TTC7A: variants seen among roughly 807,000 people sequenced by gnomAD.
TTC7A encodes tetratricopeptide repeat domain 7A, also known as tetratricopeptide repeat protein 7A.
Under a neutral mutation model 103.7 loss-of-function variants are expected in TTC7A, and 110 were observed. The observed-to-expected ratio is 1.06, with a 90% CI of 0.91 to 1.24. TTC7A has a LOEUF of 1.24. Ranked by LOEUF, TTC7A falls within the 50% of genes most tolerant of loss-of-function variation. TTC7A has a pLI of 0.00. For synonymous variants in TTC7A, 521 were observed against 467.9 expected (o/e 1.11, Z -1.47); for missense variants, 1,340 against 1,116.3 (o/e 1.20, Z -2.86).
intron 18 of TTC7A, among the ~76,000 whole-genome samples, chr2:47,053,933 A>G (rs1050390448): frequency 6.6e-6 from 1 of 152,196 alleles, no homozygotes; most frequent in African/African-American, 2.4e-5. Context: ...CTCAGGTTGT[A>G]TATTGCTTTA....
chr2:47,021,948 G>A lies in TTC7A; in HGVS notation c.1479G>A (p.Leu493=). Residue 493 remains leucine (L), a synonymous_variant, in exon 12 of 20, where the codon CTG becomes CTA. Transcript: ENST00000319190. Reference sequence around the variant, plus strand: ...TCCTCCCCAAGGGCTACCTGGCTCTGGGTCTCACCTATAGCCTGCAGGCCA... The same window carrying A: ...TCCTCCCCAAGGGCTACCTGGCTCTAGGTCTCACCTATAGCCTGCAGGCCA... ...GEFLPKGYLA[L]GLTYSLQATD... is the part of the protein sequence containing the mutation. 6.2e-7 allele frequency: 1 copy of A among 1,614,026 alleles called. No individual in the cohort carries two copies. The highest frequency in any genetic ancestry group is 1.1e-5 in the South Asian group (1 of 91,078).
chr2:47,025,157 C>T (rs901161006), intron 14 of TTC7A, among the ~76,000 whole-genome samples: 4 of 152,196 alleles, frequency 2.6e-5, no homozygotes, highest in African/African-American at 4.8e-5. Flanking sequence ...AGCTCCAGGC[C>T]GGCGGAGGGA....
chr2:46,928,934 G>A (rs1176602360), intron 2 of TTC7A, among the ~76,000 whole-genome samples: 2 of 152,018 alleles, frequency 1.3e-5, no homozygotes, highest in African/African-American at 4.8e-5. Context: ...AGGCTGAGGT[G>A]GGTGGATTAC....
intron 19 of TTC7A, among the ~76,000 whole-genome samples, chr2:47,065,292 G>T (rs527306666): frequency 2.6e-4 from 39 of 151,866 alleles, no homozygotes; most frequent in Admixed American, 1.5e-3. Context: ...GTCTCAAAAA[G>T]GAAAAAAATG....
At chr2:46,944,374 G>GGTTTTT (rs1553364975) in intron 1 of TTC7A, among the ~76,000 whole-genome samples, 1 of 88,944 alleles carries the variant, frequency 1.1e-5, no homozygotes, top group African/African-American at 4.5e-5. Context: ...GGTATTTTGG[G>GGTTTTT]TTTTTTTTTT....
intron 3 of TTC7A, among the ~76,000 whole-genome samples, chr2:46,964,059 C>T (rs971057109): frequency 6.6e-6 from 1 of 152,160 alleles, no homozygotes; most frequent in African/African-American, 2.4e-5. Context: ...AATGATTCAC[C>T]TCAGGTTACA....
At chr2:46,964,741 C>T (rs996770998) in intron 3 of TTC7A, among the ~76,000 whole-genome samples, 9 of 152,168 alleles carry the variant, frequency 5.9e-5, no homozygotes, top group Admixed American at 3.9e-4. Flanking sequence ...AGCTTTAGCC[C>T]GTTCAGCCTC....
At chr2:46,986,380 C>T (rs1675008610) in intron 5 of TTC7A, among the ~76,000 whole-genome samples, 1 of 152,216 alleles carries the variant, frequency 6.6e-6, no homozygotes, top group Admixed American at 6.5e-5. Context: ...CTCCCAGTGC[C>T]TGCTATGGGC....
Position 47,046,356 on chromosome 2 carries a change from G to C in TTC7A, c.1844G>C (p.Gly615Ala). 6.2e-7 allele frequency: 1 copy of C among 1,614,192 alleles called. No individual in the cohort carries two copies. The highest frequency in any genetic ancestry group is 8.5e-7 in the Non-Finnish European group (1 of 1,180,032). ...TKVKLEQVLK[G>A]PEEALVTCRQ... ...GTGAAGCTGGAGCAGGTGCTGAAAGGCCCAGAGGAAGCCCTCGTGACCTGC... is the reference window on the plus strand; with the variant it reads ...GTGAAGCTGGAGCAGGTGCTGAAAGCCCCAGAGGAAGCCCTCGTGACCTGC... The change falls in exon 16 of 20, where the codon GGC becomes GCC. Residue 615 changes from glycine (G) to alanine (A), a missense_variant. Transcript: ENST00000319190.
Position 46,920,279 on chromosome 2 carries a change from G to A in TTC7A, c.82+3002G>A, listed in dbSNP as rs866317276. On this transcript the variant is annotated intron_variant, in intron 2 of 20. Transcript: ENST00000409245. ...CGCTCTCCTTTCTCATCATGTTGTTGTTGTTTGGAGTTTTTGACATTAGTT... is the reference window on the plus strand; with the variant it reads ...CGCTCTCCTTTCTCATCATGTTGTTATTGTTTGGAGTTTTTGACATTAGTT... Among the ~76,000 whole-genome samples, 3 of 151,994 alleles carry A rather than the reference G, an allele frequency of 2.0e-5. No homozygotes were observed. In the South Asian group the frequency reaches 6.2e-4, roughly 32 times the overall value.
At chr2:46,962,873 G>C (rs1277313376) in intron 3 of TTC7A, among the ~76,000 whole-genome samples, 1 of 152,254 alleles carries the variant, frequency 6.6e-6, no homozygotes, top group Non-Finnish European at 1.5e-5. Flanking sequence ...GGGCTTGTTT[G>C]CCAGGTTTGG....
chr2:46,945,685 C>G (rs1670874778), intron 1 of TTC7A, among the ~76,000 whole-genome samples: 1 of 152,220 alleles, frequency 6.6e-6, no homozygotes, highest in African/African-American at 2.4e-5. Context: ...GCCACCGTGC[C>G]CGGTCTTTGA....
At chr2:47,073,654 T>C (rs745875403) in intron 19 of TTC7A, 48 bp from the exon 20 acceptor site, 2 of 1,565,036 alleles carry the variant, frequency 1.3e-6, no homozygotes, top group South Asian at 1.1e-5. Flanking sequence ...CCAAGATGCC[T>C]GTGCCATGGG....
At chr2:46,953,188 C>G (rs1671556480) in intron 2 of TTC7A, among the ~76,000 whole-genome samples, 1 of 152,166 alleles carries the variant, frequency 6.6e-6, no homozygotes, top group Non-Finnish European at 1.5e-5. Flanking sequence ...GGGTCTCACT[C>G]TGTCACCCAG....
upstream of TTC7A, among the ~76,000 whole-genome samples, chr2:46,938,943 G>A (rs113640040): frequency 3.3e-5 from 5 of 151,600 alleles, no homozygotes; most frequent in South Asian, 2.1e-4. Context: ...CCTGGGAGGC[G>A]GAGGTTGTTG....
chr2:46,974,193 G>A (rs957348955), intron 3 of TTC7A, among the ~76,000 whole-genome samples: 6 of 152,224 alleles, frequency 3.9e-5, no homozygotes, highest in African/African-American at 1.4e-4. Context: ...TAGCTTAGGG[G>A]AAAAGGTACA....
At chr2:47,037,821 G>C (rs1219938414) in intron 15 of TTC7A, among the ~76,000 whole-genome samples, 1 of 152,232 alleles carries the variant, frequency 6.6e-6, no homozygotes, top group Non-Finnish European at 1.5e-5. Context: ...ATTGGGGACT[G>C]AGAATGAAAG....
chr2:47,028,029 T>C (rs950047248), intron 14 of TTC7A, among the ~76,000 whole-genome samples: 3 of 152,102 alleles, frequency 2.0e-5, no homozygotes, highest in South Asian at 4.1e-4. Flanking sequence ...CACAGCTGAA[T>C]GTAGATGGGT....
intron 13 of TTC7A, 47 bp downstream of exon 13, chr2:47,023,512 GC>G: frequency 6.3e-7 from 1 of 1,594,866 alleles, no homozygotes; most frequent in Non-Finnish European, 8.6e-7. Flanking sequence ...GCCTTTGGTG[GC>G]AGATTCACAA....
Sources: gnomAD v4.1 joint callset for allele counts (sites outside exome capture counted in the v4.1 genomes callset) on GRCh38, gnomAD v4.1.1 for gene constraint, MANE v1.5 for transcripts, NCBI Gene and HGNC (gene_info 2026-07-23, HGNC 2026-07-21) for gene names.